CFAP61: variants seen among roughly 807,000 people sequenced by gnomAD.
CFAP61 encodes cilia and flagella associated protein 61, also known as cilia- and flagella-associated protein 61.
CFAP61 carries 107 observed loss-of-function variants against 135.6 expected under a neutral mutation model. The observed-to-expected ratio is 0.79, with a 90% confidence interval of 0.67 to 0.93. The LOEUF (loss-of-function observed/expected upper bound fraction) is 0.93, where lower values mean the gene tolerates loss of function less well. Ranked by LOEUF, CFAP61 falls within the 40% of genes least tolerant of loss-of-function variation. CFAP61 has a pLI of 0.00. For synonymous variants in CFAP61, 575 were observed against 578.5 expected (o/e 0.99, Z 0.09); for missense variants, 1,507 against 1,556.2 (o/e 0.97, Z 0.53).
At chr20:20,099,752 T>A (rs1477163736) in intron 8 of CFAP61, among the ~76,000 whole-genome samples, 2 of 152,210 alleles carry the variant, frequency 1.3e-5, no homozygotes, top group Non-Finnish European at 2.9e-5. Flanking sequence ...CTATGCTTTC[T>A]CCTGTCTGAA....
chr20:20,086,942 G>T (rs1010985362), intron 6 of CFAP61, among the ~76,000 whole-genome samples: 7 of 152,128 alleles, frequency 4.6e-5, no homozygotes, highest in Non-Finnish European at 8.8e-5. Context: ...TGGAATTGGG[G>T]ATAGGCAAGG....
chr20:20,256,400 CCACACACACA>C (rs35783358), intron 20 of CFAP61, among the ~76,000 whole-genome samples: 34,081 of 148,666 alleles, frequency 0.23, 4,072 homozygotes, highest in South Asian at 0.28. Flanking sequence ...AAAATTTAGG[CCACACACACA>C]CACACACACA....
At chr20:20,195,305 A>G (rs1246838676) in intron 15 of CFAP61, among the ~76,000 whole-genome samples, 1 of 152,234 alleles carries the variant, frequency 6.6e-6, no homozygotes, top group Non-Finnish European at 1.5e-5. Context: ...TGCATTCTCC[A>G]ATTTCTGTTC....
intron 25 of CFAP61, among the ~76,000 whole-genome samples, chr20:20,301,766 G>T (rs1433728671): frequency 6.6e-6 from 1 of 151,980 alleles, no homozygotes; most frequent in Non-Finnish European, 1.5e-5. Context: ...AACTTGTGTT[G>T]GTTATATATT....
At chr20:20,062,542 A>G (rs2044884105) in intron 2 of CFAP61, among the ~76,000 whole-genome samples, 3 of 152,216 alleles carry the variant, frequency 2.0e-5, no homozygotes, top group Admixed American at 6.5e-5. Flanking sequence ...GGAAACAAGC[A>G]TCTGGTAGAG....
intron 17 of CFAP61, among the ~76,000 whole-genome samples, chr20:20,224,093 C>T (rs908286699): frequency 1.3e-5 from 2 of 152,102 alleles, no homozygotes; most frequent in South Asian, 2.1e-4. Context: ...ATGCTCAAAA[C>T]GCAAAGACAT....
chr20:20,121,103 C>CT (rs869290856), intron 8 of CFAP61, among the ~76,000 whole-genome samples: 10,082 of 113,544 alleles, frequency 0.089, 1,252 homozygotes, highest in East Asian at 0.54. Flanking sequence ...TTTATTTTTA[C>CT]TTTTTTTTTT....
intron 13 of CFAP61, among the ~76,000 whole-genome samples, chr20:20,181,470 A>C (rs1171427142): frequency 6.6e-6 from 1 of 151,878 alleles, no homozygotes; most frequent in Non-Finnish European, 1.5e-5. Context: ...GAAGAAGCAA[A>C]CCTCTTGTGA....
Position 20,191,881 on chromosome 20 carries a change from G to A in CFAP61, c.1590+462G>A, listed in dbSNP as rs562260708. On this transcript the variant is annotated intron_variant, in intron 15 of 26. Transcript: ENST00000245957. ...GCATTTATTACTGAATAATCCATTC[G>A]TTCCCTTTTGATTTTAAAATGCTGC... Among the ~76,000 whole-genome samples, 94 of 151,886 alleles carry A rather than the reference G, an allele frequency of 6.2e-4. No individual in the cohort carries two copies. In the South Asian group the frequency reaches 0.018, roughly 29 times the overall value.
intron 6 of CFAP61, among the ~76,000 whole-genome samples, chr20:20,082,673 G>A (rs1218752341): frequency 6.6e-6 from 1 of 152,226 alleles, no homozygotes; most frequent in Non-Finnish European, 1.5e-5. Flanking sequence ...TTCCTTAGTG[G>A]AGTATTGCTT....
At chr20:20,183,888 C>G (rs1382506711) in intron 13 of CFAP61, among the ~76,000 whole-genome samples, 4 of 152,176 alleles carry the variant, frequency 2.6e-5, no homozygotes, top group Non-Finnish European at 2.9e-5. Flanking sequence ...GTTCCTCCCC[C>G]TGAAATTCTA....
rs75196790 is a variant in CFAP61, at chr20:20,095,916, A to G, written c.700-2739A>G. Among the ~76,000 whole-genome samples, 430 of 152,330 alleles carry G rather than the reference A, an allele frequency of 2.8e-3. 1 individual carries two copies. The highest frequency in any genetic ancestry group is 9.8e-3 in the African/African-American group (407 of 41,566). ...ATGAGAAAATACACACGTTTCTGTA[A>G]ATGGACCTGTTTGGGAAGACAAGGC... On this transcript the variant is annotated intron_variant, in intron 7 of 26. Transcript: ENST00000245957.
At chr20:20,199,996 C>CT in intron 17 of CFAP61, 94 bp downstream of exon 17, 1 of 1,423,950 alleles carries the variant, frequency 7.0e-7, no homozygotes, top group Non-Finnish European at 9.7e-7. Context: ...GAGCAGGCTG[C>CT]TTCTTAATTA....
At chr20:20,171,236 C>T (rs1047101793) in intron 13 of CFAP61, among the ~76,000 whole-genome samples, 2 of 152,210 alleles carry the variant, frequency 1.3e-5, no homozygotes, top group Non-Finnish European at 2.9e-5. Context: ...GACCCCTAAA[C>T]ACAACTGCCT....
intron 8 of CFAP61, among the ~76,000 whole-genome samples, chr20:20,123,241 G>A (rs757488178): frequency 4.0e-5 from 6 of 151,540 alleles, no homozygotes; most frequent in Non-Finnish European, 5.9e-5. Context: ...TCTGCTAACC[G>A]TTCCTTTTGC....
chr20:20,225,214 C>A (rs2048654347), intron 17 of CFAP61: 1 of 152,154 alleles, frequency 6.6e-6, no homozygotes, highest in Non-Finnish European at 1.5e-5. Context: ...AAGGATGTTT[C>A]CAGGCTGGGA....
intron 8 of CFAP61, among the ~76,000 whole-genome samples, chr20:20,131,467 A>C (rs1053353511): frequency 6.6e-6 from 1 of 152,072 alleles, no homozygotes; most frequent in Non-Finnish European, 1.5e-5. Context: ...TTAATGTTCA[A>C]AGTAGTAATG....
intron 13 of CFAP61, among the ~76,000 whole-genome samples, chr20:20,174,512 T>TTTTAATGTGG (rs1467561428): frequency 1.3e-5 from 2 of 152,236 alleles, no homozygotes; most frequent in Non-Finnish European, 1.5e-5. Flanking sequence ...CATAAAAAGC[T>TTTTAATGTGG]TTTTAGTGAA....
At position 20,090,731 on chromosome 20, in the gene CFAP61, T is replaced by C. The variant is rs1296242415; in HGVS notation, c.567-113T>C. ...AAAAAAAGAAGGAAAGTTGATATCA[T>C]GAGTGTTGCTCTAGCCCCGGCACTT... On this transcript the variant is annotated intron_variant, in intron 6 of 26. Coordinates refer to ENST00000245957, the MANE Select transcript of CFAP61 (RefSeq NM_015585.4). The C allele has an allele frequency of 5.6e-6, 5 of 894,458 alleles. 1 individual carries two copies. Among genetic ancestry groups the C allele is most frequent in the African/African-American group, 3.4e-5 (2 of 58,784 alleles). The allele number at this position is 894,458 out of a possible 1,614,324, so 55.4% of individuals were successfully genotyped here.
Sources: allele counts gnomAD v4.1 joint callset (sites outside exome capture counted in the v4.1 genomes callset), GRCh38; gene constraint gnomAD v4.1.1; transcripts MANE v1.5; gene names NCBI Gene and HGNC (gene_info 2026-07-23, HGNC 2026-07-21).